RFC1: variants seen among roughly 807,000 people sequenced by gnomAD.
RFC1 encodes the protein A1 140 kDa subunit.
A neutral mutation model predicts 137.4 loss-of-function variants in RFC1; 37 were observed. The ratio of observed to expected loss-of-function variants is 0.27; its 90% CI spans 0.21 to 0.35. The LOEUF is 0.35. RFC1 is among the 10% of genes least tolerant of loss of function. The pLI is 1.00. For missense variants in RFC1, 1,205 were observed against 1,358.5 expected (o/e 0.89, Z 1.78); for synonymous variants, 429 against 455.7 (o/e 0.94, Z 0.75).
chr4:39,321,246 GAAGAC>G (rs757075935), intron 8 of RFC1, 36 bp downstream of exon 8: 19 of 1,434,534 alleles, frequency 1.3e-5, no homozygotes, highest in Non-Finnish European at 3.9e-6. Flanking sequence ...TTACTTCCAT[GAAGAC>G]AAGTGCTCCA....
At chr4:39,352,580 T>C (rs939294629) in intron 1 of RFC1, among the ~76,000 whole-genome samples, 1 of 152,202 alleles carries the variant, frequency 6.6e-6, no homozygotes, top group Non-Finnish European at 1.5e-5. Flanking sequence ...GGCAAGCTAC[T>C]TTATCTGTTT....
In RFC1 at chr4:39,306,707, A is replaced by AG. The variant is rs762329096; in HGVS notation, c.1886-7dup. ...GGAAAATTTACCAAACTTTGCTGCT[A>AG]GGAAAAAAGAAGTTCCAGAGTGTCA... On this transcript the variant is annotated splice_region_variant and splice_polypyrimidine_tract_variant and intron_variant, in intron 13 of 24. Transcript: ENST00000349703. 1.3e-6 allele frequency: 2 copies of AG among 1,583,782 alleles called. No homozygotes were observed. Among genetic ancestry groups the AG allele is most frequent in the East Asian group, 2.2e-5 (1 of 44,748 alleles).
chr4:39,332,065 G>A (rs188661612), intron 4 of RFC1, among the ~76,000 whole-genome samples: 18 of 152,292 alleles, frequency 1.2e-4, no homozygotes, highest in Non-Finnish European at 2.5e-4. Flanking sequence ...CTTGTCTGCC[G>A]ACACTTGAGA....
Position 39,326,607 on chromosome 4 carries a change from C to T in RFC1, c.598G>A (p.Asp200Asn), listed in dbSNP as rs1445540699. The change falls in exon 6 of 25, where the codon GAT becomes AAT. Residue 200 changes from aspartate (D) to asparagine (N), a missense_variant. Physicochemically the swap from Asp to Asn is conservative, Grantham distance 23. Around this residue, in one of 3 missense-constraint regions of RFC1, gnomAD observed 962 missense variants for 1,035.3 expected, o/e 0.93. Transcript: ENST00000349703. ...SQNTDESGLN[D>N]EAIAKQLQLD... ...TGTAATTGCTTGGCGATGGCTTCAT[C>T]ATTTAATCCAGACTCATCTGTATTT... The T allele has an allele frequency of 6.2e-7, 1 of 1,613,212 alleles. No individual in the cohort carries two copies. Among genetic ancestry groups the T allele is most frequent in the Non-Finnish European group, 8.5e-7 (1 of 1,179,474 alleles).
In RFC1 at chr4:39,309,469, C is replaced by T. The variant is rs76504710; in HGVS notation, c.1489-437G>A. Among the ~76,000 whole-genome samples, 567 of 152,320 alleles carry T rather than the reference C, an allele frequency of 3.7e-3. 3 individuals are homozygous for T. The highest frequency in any genetic ancestry group is 0.013 in the African/African-American group (541 of 41,584). Reference sequence around the variant, plus strand: ...AAAGAAACAAAATAGGATGTGTCCACACAATGAAATATTATTTACCCCTAA... The same window carrying T: ...AAAGAAACAAAATAGGATGTGTCCATACAATGAAATATTATTTACCCCTAA... On this transcript the variant is annotated intron_variant, in intron 12 of 24. Transcript: ENST00000349703.
chr4:39,325,475 C>G (rs1739716489), intron 6 of RFC1, among the ~76,000 whole-genome samples: 1 of 152,190 alleles, frequency 6.6e-6, no homozygotes, highest in Non-Finnish European at 1.5e-5. Flanking sequence ...CTGAACCTCC[C>G]AGGCTCAAGC....
chr4:39,296,012 G>C (rs530709700), intron 21 of RFC1: 1 of 311,946 alleles, frequency 3.2e-6, no homozygotes, highest in Non-Finnish European at 5.8e-6. Flanking sequence ...CGCCAACTCA[G>C]CCTCCTCAAG....
At chr4:39,303,477 CAG>C (rs1738476339) in intron 15 of RFC1, among the ~76,000 whole-genome samples, 1 of 150,324 alleles carries the variant, frequency 6.7e-6, no homozygotes, top group Non-Finnish European at 1.5e-5. Flanking sequence ...TTTTTTGAGA[CAG>C]AGTTTCACTC....
intron 1 of RFC1, among the ~76,000 whole-genome samples, chr4:39,360,514 AAAATTAAAAT>A (rs1336028840): frequency 4.1e-5 from 5 of 120,492 alleles, no homozygotes; most frequent in East Asian, 2.2e-4. Context: ...TATACAAAAT[AAAATTAAAAT>A]AAAATAAAAT....
intron 4 of RFC1, among the ~76,000 whole-genome samples, chr4:39,337,040 C>T (rs1039160590): frequency 2.0e-5 from 3 of 151,944 alleles, no homozygotes; most frequent in South Asian, 2.1e-4. Flanking sequence ...TTCTACTGGG[C>T]GGGAAGGAAG....
Position 39,302,599 on chromosome 4 carries a change from A to C in RFC1, c.2341-4T>G. The stretch of plus-strand genomic sequence containing the variant: ...ATGCAATAGACATCATAGCACCCTG[A>C]AATTGACAAGGGAGGAGTCCTCAAT... On this transcript the variant is annotated splice_region_variant and splice_polypyrimidine_tract_variant and intron_variant, in intron 17 of 24. Transcript: ENST00000349703. The C allele has an allele frequency of 6.3e-7, 1 of 1,586,356 alleles. No homozygotes were observed. The highest frequency in any genetic ancestry group is 8.6e-7 in the Non-Finnish European group (1 of 1,162,162).
chr4:39,338,094 C>A (rs1740446585), intron 4 of RFC1, among the ~76,000 whole-genome samples: 1 of 152,174 alleles, frequency 6.6e-6, no homozygotes. Context: ...CCCAGTACAA[C>A]AAGTATTTGG....
At position 39,365,539 on chromosome 4, in the gene RFC1, A is replaced by T. The variant is rs1741981441; in HGVS notation, c.3+700T>A. 3 of 973,526 alleles carry T rather than the reference A, an allele frequency of 3.1e-6. No individual in the cohort carries two copies. In the South Asian group the frequency reaches 1.4e-4, roughly 46 times the overall value. 60.3% of individuals were successfully genotyped at this position (973,526 alleles called of 1,614,324 possible). A position where few individuals can be genotyped will look rare whatever the true frequency, so the allele number is the denominator to read the frequency against. On this transcript the variant is annotated intron_variant, in intron 1 of 24. Transcript: ENST00000349703. ...TTGAACATTTTATCCAGAATTATGCAGTGAGGCTTGGGTTTTTTTCAGATT... is the reference window on the plus strand; with the variant it reads ...TTGAACATTTTATCCAGAATTATGCTGTGAGGCTTGGGTTTTTTTCAGATT...
Position 39,288,847 on chromosome 4 carries a change from G to C in RFC1, c.3361-3C>G, listed in dbSNP as rs982282481. The C allele has an allele frequency of 6.3e-7, 1 of 1,586,356 alleles. No individual in the cohort carries two copies. Among genetic ancestry groups the C allele is most frequent in the Non-Finnish European group, 8.6e-7 (1 of 1,158,506 alleles). ...GGCTTTGAAGATTTTGTCTTTTTCT[G>C]TTAGGGGGAAGATAACAAAATAGTT... On this transcript the variant is annotated splice_region_variant and splice_polypyrimidine_tract_variant and intron_variant, in intron 24 of 24. Coordinates refer to ENST00000349703, the MANE Select transcript of RFC1 (RefSeq NM_002913.5).
At chr4:39,300,443 G>C in intron 19 of RFC1, 29 bp from the exon 20 acceptor site, 1 of 1,580,560 alleles carries the variant, frequency 6.3e-7, no homozygotes, top group Non-Finnish European at 8.7e-7. Context: ...ACACCTATTA[G>C]AATGGCCAAA....
At chr4:39,311,365 C>A in intron 12 of RFC1, 80 bp downstream of exon 12, 1 of 1,151,412 alleles carries the variant, frequency 8.7e-7, no homozygotes, top group Non-Finnish European at 1.3e-6. Flanking sequence ...GCCAACAAGC[C>A]TGTATCCACC....
At chr4:39,293,582 A>C (rs1388605447) in intron 22 of RFC1, among the ~76,000 whole-genome samples, 16 of 152,206 alleles carry the variant, frequency 1.1e-4, no homozygotes, top group Admixed American at 1.0e-3. Flanking sequence ...GGGAGGTCTT[A>C]ATTTACTTTA....
chr4:39,349,569 A>C (rs943210645), intron 2 of RFC1, among the ~76,000 whole-genome samples: 4 of 152,202 alleles, frequency 2.6e-5, no homozygotes, highest in African/African-American at 9.6e-5. Flanking sequence ...CAGACACCTA[A>C]TCAGCCAGTA....
intron 4 of RFC1, among the ~76,000 whole-genome samples, chr4:39,329,155 C>CAAAAAAAA (rs1739952751): frequency 2.6e-5 from 1 of 38,564 alleles, no homozygotes; most frequent in Admixed American, 3.0e-4. Context: ...AAAAAAAAAG[C>CAAAAAAAA]TTTTCGATTT....
Sources: gnomAD v4.1 joint callset for allele counts (sites outside exome capture counted in the v4.1 genomes callset) on GRCh38, gnomAD v4.1.1 for gene constraint, gnomAD v4.1.1 regional missense constraint, MANE v1.5 for transcripts, NCBI Gene and HGNC (gene_info 2026-07-23, HGNC 2026-07-21) for gene names.